The following GLIS3 variants were observed in gnomAD, a reference collection of about 807,000 sequenced individuals.
The protein encoded by GLIS3 is zinc finger protein GLIS3.
A neutral mutation model predicts 78.6 loss-of-function variants in GLIS3; 53 were observed. The observed-to-expected ratio is 0.67, with a 90% CI of 0.54 to 0.85. The LOEUF is 0.85. GLIS3 is among the 40% of genes least tolerant of loss of function. GLIS3 has a pLI of 0.00. For synonymous variants in GLIS3, 684 were observed against 509.9 expected, an observed-to-expected ratio of 1.34 and a Z score of -4.60; for missense variants, 1,703 against 1,231.1, an observed-to-expected ratio of 1.38 and a Z score of -5.74.
At chr9:4,180,177 G>A (rs189000516) in intron 2 of GLIS3, among the ~76,000 whole-genome samples, 31 of 152,178 alleles carry the variant, frequency 2.0e-4, no homozygotes, top group Middle Eastern at 3.4e-3. Context: ...GGTTTCAGGC[G>A]GTCCATGCAC....
At chr9:3,909,254 A>G (rs1036818286) in intron 6 of GLIS3, among the ~76,000 whole-genome samples, 17 of 152,216 alleles carry the variant, frequency 1.1e-4, no homozygotes, top group Admixed American at 1.0e-3. Flanking sequence ...AAATAATTAC[A>G]ATGAATTAAC....
At chr9:3,901,419 C>T (rs1326352132) in intron 6 of GLIS3, among the ~76,000 whole-genome samples, 1 of 152,186 alleles carries the variant, frequency 6.6e-6, no homozygotes, top group African/African-American at 2.4e-5. Flanking sequence ...TGAAATCGGT[C>T]ATAGTGAAGT....
chr9:4,065,948 A>C (rs1186742437), intron 4 of GLIS3, among the ~76,000 whole-genome samples: 3 of 152,084 alleles, frequency 2.0e-5, no homozygotes, highest in Non-Finnish European at 4.4e-5. Flanking sequence ...GGCACATAAA[A>C]AATATGAGAC....
intron 4 of GLIS3, chr9:4,071,040 G>T (rs1357448619): frequency 1.3e-5 from 2 of 151,968 alleles, no homozygotes; most frequent in Admixed American, 1.3e-4. Flanking sequence ...ATGATGCTTT[G>T]ACCAATGTTA....
intron 2 of GLIS3, among the ~76,000 whole-genome samples, chr9:4,181,784 G>A (rs1028399286): frequency 6.6e-6 from 1 of 152,144 alleles, no homozygotes; most frequent in Non-Finnish European, 1.5e-5. Flanking sequence ...TGATCACTAG[G>A]CAAAGAAGTC....
chr9:3,920,754 C>G (rs549442026), intron 6 of GLIS3, among the ~76,000 whole-genome samples: 40 of 152,136 alleles, frequency 2.6e-4, no homozygotes, highest in Admixed American at 1.4e-3. Flanking sequence ...GTCCTTTGCA[C>G]TATTATCTCA....
chr9:3,948,433 A>T (rs1156677736), intron 4 of GLIS3, among the ~76,000 whole-genome samples: 2 of 152,190 alleles, frequency 1.3e-5, no homozygotes, highest in East Asian at 3.9e-4. Flanking sequence ...TTGGGTCTTA[A>T]GACCCACACT....
At chr9:3,884,006 G>T (rs941146609) in intron 7 of GLIS3, among the ~76,000 whole-genome samples, 4 of 152,304 alleles carry the variant, frequency 2.6e-5, no homozygotes, top group African/African-American at 9.6e-5. Flanking sequence ...AGTAGAGGTA[G>T]GTGGAGGTAA....
chr9:4,186,852 T>C (rs562416455), intron 2 of GLIS3, among the ~76,000 whole-genome samples: 2 of 152,336 alleles, frequency 1.3e-5, no homozygotes, highest in East Asian at 3.9e-4. Flanking sequence ...GGTTGTTTTT[T>C]TCTTGTAAAT....
chr9:3,844,611 T>C lies in GLIS3; in HGVS notation c.2473+11398A>G, dbSNP rs1818926021. 2.6e-5 allele frequency among the ~76,000 whole-genome samples: 4 copies of C among 152,330 alleles called. No individual in the cohort carries two copies. In the South Asian group the frequency reaches 8.3e-4, roughly 32 times the overall value. On this transcript the variant is annotated intron_variant, in intron 9 of 10. Transcript: ENST00000381971. ...GACGAAGTCATGATGGTCAATGATATAAGGGATTTTTCTGGATATTTCTTT... is the reference window on the plus strand; with the variant it reads ...GACGAAGTCATGATGGTCAATGATACAAGGGATTTTTCTGGATATTTCTTT...
At chr9:3,995,256 T>C (rs1337835377) in intron 4 of GLIS3, among the ~76,000 whole-genome samples, 3 of 152,178 alleles carry the variant, frequency 2.0e-5, no homozygotes, top group Non-Finnish European at 4.4e-5. Context: ...ATGTTTCTCA[T>C]GTGGTCCAAA....
intron 6 of GLIS3, among the ~76,000 whole-genome samples, chr9:3,907,044 A>G (rs1823754571): frequency 6.6e-6 from 1 of 152,068 alleles, no homozygotes; most frequent in Admixed American, 6.5e-5. Flanking sequence ...AGGGTACAAG[A>G]AGAACTGCAG....
At chr9:3,903,326 T>C (rs941633448) in intron 6 of GLIS3, among the ~76,000 whole-genome samples, 1 of 152,250 alleles carries the variant, frequency 6.6e-6, no homozygotes, top group East Asian at 1.9e-4. Context: ...CAGTCTAGTT[T>C]ATTACCTGCT....
At chr9:3,864,075 T>C (rs1820413372) in intron 8 of GLIS3, among the ~76,000 whole-genome samples, 1 of 152,018 alleles carries the variant, frequency 6.6e-6, no homozygotes, top group Non-Finnish European at 1.5e-5. Context: ...ATCCTCTCTT[T>C]AAAAAAGCAC....
intron 4 of GLIS3, among the ~76,000 whole-genome samples, chr9:3,942,158 C>T (rs547443219): frequency 1.3e-5 from 2 of 152,150 alleles, no homozygotes; most frequent in Non-Finnish European, 2.9e-5. Flanking sequence ...CTTTCCTGAT[C>T]GGGTTTCCAT....
intron 2 of GLIS3, among the ~76,000 whole-genome samples, chr9:4,262,354 G>C (rs1007658042): frequency 2.6e-5 from 4 of 152,120 alleles, no homozygotes; most frequent in Admixed American, 6.5e-5. Context: ...ACTTGACAGA[G>C]TGCTGAGTGG....
chr9:4,311,334 G>A (rs1181222158), intron 2 of GLIS3, among the ~76,000 whole-genome samples: 1 of 152,214 alleles, frequency 6.6e-6, no homozygotes, highest in Non-Finnish European at 1.5e-5. Flanking sequence ...ACTTGAGCTG[G>A]AGAGGTGGAG....
intron 4 of GLIS3, among the ~76,000 whole-genome samples, chr9:3,943,339 G>T (rs890654359): frequency 6.6e-6 from 1 of 152,182 alleles, no homozygotes; most frequent in Non-Finnish European, 1.5e-5. Flanking sequence ...TCCTTGTTTT[G>T]TTGGGACTAA....
intron 2 of GLIS3, among the ~76,000 whole-genome samples, chr9:4,176,206 A>T (rs996035982): frequency 6.6e-6 from 1 of 152,186 alleles, no homozygotes; most frequent in East Asian, 1.9e-4. Flanking sequence ...AAAAAAACTC[A>T]TTTCTCCCTC....
Sources: gnomAD v4.1 joint callset for allele counts (sites outside exome capture counted in the v4.1 genomes callset) on GRCh38, gnomAD v4.1.1 for gene constraint, MANE v1.5 for transcripts, NCBI Gene and HGNC (gene_info 2026-07-23, HGNC 2026-07-21) for gene names.